TTC7A: variants seen among roughly 807,000 people sequenced by gnomAD.
TTC7A encodes tetratricopeptide repeat domain 7A.
A neutral mutation model predicts 103.7 loss-of-function variants in TTC7A; 110 were observed. The ratio of observed to expected loss-of-function variants is 1.06; its 90% CI spans 0.91 to 1.24. The LOEUF is 1.24. TTC7A is among the 50% of genes most tolerant of loss of function. The probability of loss-of-function intolerance (pLI) is 0.00; values close to 1 mark genes in which losing one functional copy is unlikely to be tolerated. For missense variants in TTC7A, 1,340 were observed against 1,116.3 expected (o/e 1.20, Z -2.86); for synonymous variants, 521 against 467.9 (o/e 1.11, Z -1.47).
In TTC7A at chr2:47,073,698, A is replaced by C. The variant is rs766957609; in HGVS notation, c.2356-4A>C. The C allele has an allele frequency of 6.2e-7, 1 of 1,613,640 alleles. No individual in the cohort carries two copies. Among genetic ancestry groups the C allele is most frequent in the Non-Finnish European group, 8.5e-7 (1 of 1,179,976 alleles). On this transcript the variant is annotated splice_polypyrimidine_tract_variant and splice_region_variant and intron_variant, in intron 19 of 19. Coordinates refer to ENST00000319190, the MANE Select transcript of TTC7A (RefSeq NM_020458.4). ...ACTCACCCTGCCCTGTGCTTCGTCC[A>C]CAGGGTCTGATGCTGAGTCGGCTGG...
intron 5 of TTC7A, among the ~76,000 whole-genome samples, chr2:46,987,807 C>CGAGTGT (rs1234466462): frequency 1.8e-3 from 194 of 110,110 alleles, no homozygotes; most frequent in African/African-American, 6.2e-3. Context: ...TCCCTTTCCG[C>CGAGTGT]GCGTGTGTGT....
chr2:47,004,527 T>G (rs1225357136), intron 8 of TTC7A, among the ~76,000 whole-genome samples: 1 of 152,064 alleles, frequency 6.6e-6, no homozygotes, highest in African/African-American at 2.4e-5. Context: ...GGCAGCTCCT[T>G]TTTATTCGGT....
intron 1 of TTC7A, among the ~76,000 whole-genome samples, chr2:46,943,856 G>T (rs1320576899): frequency 6.6e-6 from 1 of 152,184 alleles, no homozygotes; most frequent in Non-Finnish European, 1.5e-5. Flanking sequence ...GAGGCCTTGA[G>T]GTCCAGCGGT....
rs564139588 is a variant in TTC7A, at chr2:46,973,567, A to G, written c.518-1406A>G. Among the ~76,000 whole-genome samples the G allele has an allele frequency of 5.3e-5, 8 of 152,344 alleles. No individual in the cohort carries two copies. In the South Asian group the frequency reaches 1.7e-3, roughly 32 times the overall value. Reference sequence around the variant, plus strand: ...AAGAAAGAAGCCTGTACACAAAGTCATACATTCACACAAACAAATGGCGTG... The same window carrying G: ...AAGAAAGAAGCCTGTACACAAAGTCGTACATTCACACAAACAAATGGCGTG... On this transcript the variant is annotated intron_variant, in intron 3 of 19. Coordinates refer to ENST00000319190, the MANE Select transcript of TTC7A (RefSeq NM_020458.4).
intron 11 of TTC7A, among the ~76,000 whole-genome samples, chr2:47,016,871 G>C (rs1472320189): frequency 6.6e-6 from 1 of 152,116 alleles, no homozygotes; most frequent in Non-Finnish European, 1.5e-5. Context: ...CGCAGGTGGG[G>C]CCCATTAGTG....
intron 5 of TTC7A, among the ~76,000 whole-genome samples, chr2:46,990,862 C>T (rs1294028956): frequency 6.6e-6 from 1 of 152,160 alleles, no homozygotes; most frequent in Non-Finnish European, 1.5e-5. Context: ...CCATCAGAAC[C>T]CCCCTGGTGA....
At position 47,051,793 on chromosome 2, in the gene TTC7A, A is replaced by T; in HGVS notation, c.2065A>T (p.Met689Leu). 1 of 1,611,586 alleles carries T rather than the reference A, an allele frequency of 6.2e-7. No homozygotes were observed. Among genetic ancestry groups the T allele is most frequent in the South Asian group, 1.1e-5 (1 of 90,998 alleles). The change falls in exon 18 of 20, where the codon ATG becomes TTG. Residue 689 changes from methionine to leucine, a missense_variant. Physicochemically the swap from Met to Leu is conservative, Grantham distance 15. Coordinates refer to ENST00000319190, the MANE Select transcript of TTC7A (RefSeq NM_020458.4). ...CGCCGCCTCCCGGCTGGAGGAGGCC[A>T]TGTCAGAGCTGACTATGCCCTCTTC... ...SIAASRLEEA[M>L]SELTMPSSVL...
chr2:47,024,197 C>T, intron 13 of TTC7A, 90 bp from the exon 14 acceptor site: 1 of 1,198,508 alleles, frequency 8.3e-7, no homozygotes. Flanking sequence ...CTCATAGCGC[C>T]CAGCACAGGG....
intron 15 of TTC7A, among the ~76,000 whole-genome samples, chr2:47,043,877 T>G (rs947483661): frequency 6.6e-6 from 1 of 152,216 alleles, no homozygotes; most frequent in Non-Finnish European, 1.5e-5. Flanking sequence ...TTCATCCACT[T>G]CTTTGCCAGG....
At chr2:46,985,813 A>AT (rs1309727038) in intron 5 of TTC7A, among the ~76,000 whole-genome samples, 2 of 152,108 alleles carry the variant, frequency 1.3e-5, no homozygotes, top group Non-Finnish European at 2.9e-5. Flanking sequence ...CAGTTTCAGT[A>AT]TTTTTTTTAA....
intron 2 of TTC7A, among the ~76,000 whole-genome samples, chr2:46,918,362 A>G (rs1262210644): frequency 1.3e-5 from 2 of 152,110 alleles, no homozygotes; most frequent in African/African-American, 2.4e-5. Flanking sequence ...TTCCACCTCC[A>G]CTAAACCATC....
At chr2:46,983,364 G>A (rs1473702943) in intron 5 of TTC7A, among the ~76,000 whole-genome samples, 4 of 152,204 alleles carry the variant, frequency 2.6e-5, no homozygotes, top group Admixed American at 2.6e-4. Context: ...CTGAGCTTTG[G>A]TTTCAGAGAA....
Position 47,005,966 on chromosome 2 carries a change from G to A in TTC7A, c.1110G>A (p.Glu370=). The change falls in exon 9 of 20, where the codon GAG becomes GAA. Residue 370 remains glutamate (E), a synonymous_variant. Transcript: ENST00000319190. ...VVLSRVPEQE[E]DRTVSLQNAA... is the part of the protein sequence containing the mutation. ...TGAGCCGGGTGCCGGAGCAGGAGGA[G>A]GACCGGACAGTGAGCTTGCAGAATG... 2 of 1,614,116 alleles carry A rather than the reference G, an allele frequency of 1.2e-6. No homozygotes were observed. Among genetic ancestry groups the A allele is most frequent in the Non-Finnish European group, 1.7e-6 (2 of 1,180,026 alleles).
intron 3 of TTC7A, among the ~76,000 whole-genome samples, chr2:46,967,857 T>G (rs1387982357): frequency 6.6e-6 from 1 of 152,156 alleles, no homozygotes; most frequent in African/African-American, 2.4e-5. Flanking sequence ...GAGGGTTCTT[T>G]CCTACCTGGC....
At chr2:47,054,801 T>G (rs1683174396) in intron 18 of TTC7A, among the ~76,000 whole-genome samples, 1 of 146,238 alleles carries the variant, frequency 6.8e-6, no homozygotes, top group Non-Finnish European at 1.5e-5. Context: ...TGCCACTGCA[T>G]GCCAGCCTGG....
At chr2:47,046,691 A>T in intron 16 of TTC7A, 3 of 484,314 alleles carry the variant, frequency 6.2e-6, no homozygotes, top group Non-Finnish European at 1.1e-5. Flanking sequence ...ATTCTTGAGC[A>T]CTGGAGCTGG....
chr2:46,923,231 C>G (rs755066633), intron 2 of TTC7A, among the ~76,000 whole-genome samples: 19 of 152,168 alleles, frequency 1.2e-4, no homozygotes, highest in Non-Finnish European at 1.8e-4. Flanking sequence ...CACAGTTGAC[C>G]AAACCATTAG....
intron 18 of TTC7A, among the ~76,000 whole-genome samples, chr2:47,052,086 G>T (rs1440965450): frequency 6.6e-6 from 1 of 152,214 alleles, no homozygotes; most frequent in Non-Finnish European, 1.5e-5. Flanking sequence ...AGCTTCTCTG[G>T]CAGCAAGCCC....
chr2:46,955,380 C>T (rs1409027873), intron 2 of TTC7A, among the ~76,000 whole-genome samples: 1 of 152,148 alleles, frequency 6.6e-6, no homozygotes, highest in Non-Finnish European at 1.5e-5. Context: ...TAGCAAATCC[C>T]CTCAAAAGAT....
Sources: gnomAD v4.1 joint callset for allele counts (sites outside exome capture counted in the v4.1 genomes callset) on GRCh38, gnomAD v4.1.1 for gene constraint, MANE v1.5 for transcripts, NCBI Gene and HGNC (gene_info 2026-07-23, HGNC 2026-07-21) for gene names.